TTLL11: variants seen among roughly 807,000 people sequenced by gnomAD.
TTLL11 encodes the protein tubulin polyglutamylase TTLL11.
TTLL11 carries 42 observed loss-of-function variants against 51.7 expected under a neutral mutation model. That is an observed-to-expected ratio of 0.81 (90% CI 0.64 to 1.05). TTLL11 has a LOEUF of 1.05. Ranked by LOEUF, TTLL11 falls within the 50% of genes least tolerant of loss-of-function variation. The pLI is 0.00. For missense variants in TTLL11, 799 were observed against 940.4 expected, an observed-to-expected ratio of 0.85 and a Z score of 1.97; for synonymous variants, 381 against 383.5, an observed-to-expected ratio of 0.99 and a Z score of 0.08.
At chr9:122,031,083 C>T (rs934566952) in intron 3 of TTLL11, among the ~76,000 whole-genome samples, 1 of 152,214 alleles carries the variant, frequency 6.6e-6, no homozygotes, top group African/African-American at 2.4e-5. Flanking sequence ...ATGGGACAGA[C>T]TGTGAAACTT....
intron 6 of TTLL11, among the ~76,000 whole-genome samples, chr9:121,921,569 C>T (rs940289056): frequency 3.9e-5 from 6 of 152,148 alleles, no homozygotes; most frequent in Non-Finnish European, 8.8e-5. Context: ...TAAATTAAAC[C>T]TCAGTAATCC....
chr9:121,821,278 T>C lies in TTLL11; in HGVS notation c.*1309A>G, dbSNP rs1169370880. On this transcript the variant is annotated 3_prime_UTR_variant, in exon 9 of 9. Transcript: ENST00000321582. The surrounding 1 kb of genome is among the most constrained non-coding windows in gnomAD (Gnocchi z 5.0). Reference sequence around the variant, plus strand: ...TGCAGGAGCTTATTTGGGATGCACCTCTGCCTCCCAGAACCCTCCCTTGCC... The same window carrying C: ...TGCAGGAGCTTATTTGGGATGCACCCCTGCCTCCCAGAACCCTCCCTTGCC... Among the ~76,000 whole-genome samples, 1 of 152,114 alleles carries C rather than the reference T, an allele frequency of 6.6e-6. No individual in the cohort carries two copies. The highest frequency in any genetic ancestry group is 1.5e-5 in the Non-Finnish European group (1 of 68,008).
chr9:122,076,494 T>C (rs1025436318), intron 1 of TTLL11, among the ~76,000 whole-genome samples: 3 of 152,210 alleles, frequency 2.0e-5, no homozygotes, highest in Non-Finnish European at 4.4e-5. Context: ...AATAAGTCTC[T>C]GCTCAGAATG....
intron 1 of TTLL11, among the ~76,000 whole-genome samples, chr9:122,083,075 AGTATATATTT>A (rs1330044344): frequency 6.6e-6 from 1 of 152,150 alleles, no homozygotes; most frequent in African/African-American, 2.4e-5. Context: ...ATTTATATAC[AGTATATATTT>A]GTATCTCTAC....
Position 121,989,132 on chromosome 9 carries a change from C to T in TTLL11, c.1269+63G>A. On this transcript the variant is annotated intron_variant, in intron 4 of 8. Coordinates refer to ENST00000321582, the MANE Select transcript of TTLL11 (RefSeq NM_001139442.2). The surrounding 1 kb of genome is among the most constrained non-coding windows in gnomAD (Gnocchi z 4.2). ...CCCCGATCACTCATCCTACACGAAGCCAGAGAGCCCTCTTGAGGCCGGTCA... is the reference window on the plus strand; with the variant it reads ...CCCCGATCACTCATCCTACACGAAGTCAGAGAGCCCTCTTGAGGCCGGTCA... 6.3e-7 allele frequency: 1 copy of T among 1,584,910 alleles called. No homozygotes were observed. Among genetic ancestry groups the T allele is most frequent in the Non-Finnish European group, 8.6e-7 (1 of 1,163,892 alleles).
intron 6 of TTLL11, among the ~76,000 whole-genome samples, chr9:121,942,738 ATTTTTTTT>A (rs34352222): frequency 0.1 from 9,972 of 98,288 alleles, 494 homozygotes; most frequent in African/African-American, 0.19. Context: ...AATCTGTCTT[ATTTTTTTT>A]TTTTTTTTTT....
chr9:121,835,555 G>A (rs11999990), intron 8 of TTLL11, among the ~76,000 whole-genome samples: 9,328 of 152,254 alleles, frequency 0.061, 460 homozygotes, highest in African/African-American at 0.13. Flanking sequence ...GTCCTTGGCC[G>A]GATGGAGAAA....
intron 1 of TTLL11, among the ~76,000 whole-genome samples, chr9:122,086,931 C>T (rs1418669522): frequency 6.6e-6 from 1 of 152,236 alleles, no homozygotes; most frequent in Non-Finnish European, 1.5e-5. Flanking sequence ...TCTGCTGTTA[C>T]TTGAGAATAG....
chr9:121,985,684 T>C (rs990308492), intron 4 of TTLL11, among the ~76,000 whole-genome samples: 1 of 151,844 alleles, frequency 6.6e-6, no homozygotes, highest in African/African-American at 2.4e-5. Context: ...ACCCGGCTAA[T>C]TTTTTGTAAT....
intron 8 of TTLL11, among the ~76,000 whole-genome samples, chr9:121,832,738 G>A (rs983376566): frequency 5.3e-5 from 8 of 152,110 alleles, no homozygotes; most frequent in Non-Finnish European, 7.4e-5. Flanking sequence ...TCAGGAGTTC[G>A]AGACCAGCCT....
At chr9:122,008,896 T>C (rs1186733189) in intron 3 of TTLL11, among the ~76,000 whole-genome samples, 2 of 152,172 alleles carry the variant, frequency 1.3e-5, no homozygotes, top group Non-Finnish European at 2.9e-5. Context: ...TTGCAACAAC[T>C]TGGATGAACC....
chr9:121,896,682 G>A (rs1315254019), intron 6 of TTLL11, among the ~76,000 whole-genome samples: 2 of 152,168 alleles, frequency 1.3e-5, no homozygotes, highest in East Asian at 3.9e-4. Flanking sequence ...TCCTGGCGGC[G>A]GGGCGGCAGG....
intron 1 of TTLL11, among the ~76,000 whole-genome samples, chr9:122,056,491 C>G (rs975583213): frequency 6.6e-5 from 10 of 152,282 alleles, no homozygotes; most frequent in African/African-American, 2.4e-4. Flanking sequence ...ATTTAACCCT[C>G]TGGTACTGCA....
Position 121,942,738 on chromosome 9 carries a change from ATTTTT to A in TTLL11, c.1481+31266_1481+31270del, listed in dbSNP as rs34352222. On this transcript the variant is annotated intron_variant, in intron 6 of 8. Coordinates refer to ENST00000321582, the MANE Select transcript of TTLL11 (RefSeq NM_001139442.2). Reference sequence around the variant, plus strand: ...CCTCCTCACGTTTCTAATCTGTCTTATTTTTTTTTTTTTTTTTTTTTTTGCCTGAA... The same window carrying A: ...CCTCCTCACGTTTCTAATCTGTCTTATTTTTTTTTTTTTTTTTTGCCTGAA... Among the ~76,000 whole-genome samples, 516 of 97,882 alleles carry A rather than the reference ATTTTT, an allele frequency of 5.3e-3. 1 individual carries two copies. Among genetic ancestry groups the A allele is most frequent in the African/African-American group, 0.018 (492 of 27,812 alleles). The allele number at this position is 97,882 out of a possible 152,430, so 64.2% of individuals were successfully genotyped here.
chr9:121,874,539 C>T (rs1188493031), intron 6 of TTLL11, among the ~76,000 whole-genome samples: 1 of 152,180 alleles, frequency 6.6e-6, no homozygotes, highest in East Asian at 1.9e-4. Flanking sequence ...GATTACATTA[C>T]ATGTATTCCA....
chr9:121,866,229 G>A (rs939229028), intron 7 of TTLL11, among the ~76,000 whole-genome samples: 3 of 152,202 alleles, frequency 2.0e-5, no homozygotes, highest in African/African-American at 7.2e-5. Flanking sequence ...AACAGAGAGA[G>A]AGAAGGGTTG....
chr9:121,997,909 T>A (rs1005416855), intron 3 of TTLL11, among the ~76,000 whole-genome samples: 1 of 151,994 alleles, frequency 6.6e-6, no homozygotes, highest in African/African-American at 2.4e-5. Context: ...TCCCAACTCC[T>A]GGGGGCCACC....
intron 6 of TTLL11, among the ~76,000 whole-genome samples, chr9:121,895,892 C>G (rs1466670926): frequency 2.0e-3 from 66 of 32,308 alleles, no homozygotes; most frequent in African/African-American, 1.3e-4. Context: ...GTCATTGTAT[C>G]TGTGTGTGTC....
At chr9:122,060,704 C>T (rs1248860286) in intron 1 of TTLL11, among the ~76,000 whole-genome samples, 1 of 152,192 alleles carries the variant, frequency 6.6e-6, no homozygotes, top group Non-Finnish European at 1.5e-5. Context: ...TCTGGGTATC[C>T]TCATCTGTAA....
Sources: allele counts gnomAD v4.1 joint callset (sites outside exome capture counted in the v4.1 genomes callset), GRCh38; gene constraint gnomAD v4.1.1; non-coding constraint Gnocchi (gnomAD v3.1); transcripts MANE v1.5; gene names NCBI Gene and HGNC (gene_info 2026-07-23, HGNC 2026-07-21).